Variants in MCTP1 observed in about 807,000 individuals in gnomAD.
MCTP1 encodes the protein multiple C2 and transmembrane domain-containing protein 1.
A neutral mutation model predicts 120.6 loss-of-function variants in MCTP1; 69 were observed. That is an observed-to-expected ratio of 0.57 (90% CI 0.47 to 0.70). The LOEUF (loss-of-function observed/expected upper bound fraction) is 0.70. Ranked by LOEUF, MCTP1 falls within the 30% of genes least tolerant of loss-of-function variation. MCTP1 has a pLI of 0.00. For missense variants in MCTP1, 1,203 were observed against 1,248.8 expected, an observed-to-expected ratio of 0.96 and a Z score of 0.55; for synonymous variants, 529 against 493.1, an observed-to-expected ratio of 1.07 and a Z score of -0.96.
At chr5:94,748,999 G>T (rs1408352279) in intron 19 of MCTP1, among the ~76,000 whole-genome samples, 2 of 152,160 alleles carry the variant, frequency 1.3e-5, no homozygotes, top group Non-Finnish European at 2.9e-5. Flanking sequence ...GTTTTTTGAT[G>T]CTTCTGCTGT....
intron 3 of MCTP1, among the ~76,000 whole-genome samples, chr5:94,947,931 T>G (rs1302753997): frequency 6.6e-6 from 1 of 151,918 alleles, no homozygotes; most frequent in African/African-American, 2.4e-5. Context: ...TGAAACCATA[T>G]TAGAGCTTCT....
At chr5:94,908,511 G>A (rs1807547512) in intron 10 of MCTP1, among the ~76,000 whole-genome samples, 1 of 152,040 alleles carries the variant, frequency 6.6e-6, no homozygotes, top group Middle Eastern at 3.4e-3. Flanking sequence ...AAGCTACAGT[G>A]AGGAAAGAAT....
At chr5:95,192,465 C>T (rs917211183) in intron 1 of MCTP1, among the ~76,000 whole-genome samples, 7 of 151,954 alleles carry the variant, frequency 4.6e-5, no homozygotes, top group Admixed American at 1.3e-4. Context: ...TCTGTGCCAA[C>T]TTCTAGAGTA....
chr5:94,853,808 C>A (rs376703994), intron 17 of MCTP1, among the ~76,000 whole-genome samples: 5 of 151,976 alleles, frequency 3.3e-5, no homozygotes, highest in African/African-American at 1.2e-4. Context: ...ATACTCTGTC[C>A]ACAAGGCCAG....
chr5:94,988,092 A>T (rs902610671), intron 2 of MCTP1, among the ~76,000 whole-genome samples: 4 of 152,192 alleles, frequency 2.6e-5, no homozygotes, highest in Admixed American at 6.5e-5. Context: ...TTCAGCAATG[A>T]TGTCTTCCAA....
intron 19 of MCTP1, among the ~76,000 whole-genome samples, chr5:94,758,352 G>C (rs529771886): frequency 6.6e-6 from 1 of 152,218 alleles, no homozygotes; most frequent in Admixed American, 6.5e-5. Context: ...CTAGCTACTT[G>C]GAAGGATCAC....
intron 2 of MCTP1, among the ~76,000 whole-genome samples, chr5:94,967,350 C>A (rs1825864529): frequency 6.6e-6 from 1 of 152,142 alleles, no homozygotes; most frequent in Non-Finnish European, 1.5e-5. Flanking sequence ...CTATCACACA[C>A]CACGTAACAA....
chr5:94,711,063 C>T (rs1284871467), intron 20 of MCTP1, 136 bp from the exon 21 acceptor site: 2 of 672,288 alleles, frequency 3.0e-6, no homozygotes, highest in East Asian at 5.7e-5. Context: ...AATAGGTTAT[C>T]AGAGGACGCA....
intron 1 of MCTP1, among the ~76,000 whole-genome samples, chr5:95,233,212 A>C (rs1755156947): frequency 6.6e-6 from 1 of 152,248 alleles, no homozygotes; most frequent in Non-Finnish European, 1.5e-5. Context: ...CAATATATTT[A>C]AAGGGATCCA....
chr5:94,938,771 T>C (rs532900824), intron 5 of MCTP1, among the ~76,000 whole-genome samples: 1 of 152,190 alleles, frequency 6.6e-6, no homozygotes, highest in Admixed American at 6.5e-5. Flanking sequence ...CATTTATAAT[T>C]GATTCTTATG....
At chr5:94,999,421 T>C (rs1258918675) in intron 2 of MCTP1, among the ~76,000 whole-genome samples, 2 of 152,188 alleles carry the variant, frequency 1.3e-5, no homozygotes, top group Non-Finnish European at 2.9e-5. Context: ...ATCAAATTCT[T>C]CTATAATCAA....
At chr5:94,762,685 A>G (rs1771626770) in intron 19 of MCTP1, among the ~76,000 whole-genome samples, 1 of 152,202 alleles carries the variant, frequency 6.6e-6, no homozygotes, top group African/African-American at 2.4e-5. Context: ...TTGCTAAAAC[A>G]TCTCTGGGAA....
intron 1 of MCTP1, among the ~76,000 whole-genome samples, chr5:95,175,689 T>C (rs1360499162): frequency 6.6e-6 from 1 of 152,176 alleles, no homozygotes; most frequent in Non-Finnish European, 1.5e-5. Context: ...TCAGCACAAC[T>C]GGATTTTAAG....
intron 2 of MCTP1, among the ~76,000 whole-genome samples, chr5:94,980,517 T>C (rs1444485886): frequency 6.6e-6 from 1 of 152,126 alleles, no homozygotes; most frequent in Non-Finnish European, 1.5e-5. Flanking sequence ...GTTGAAAACA[T>C]ATGTTATGTG....
chr5:94,760,213 T>C (rs924749835), intron 19 of MCTP1, among the ~76,000 whole-genome samples: 1 of 152,102 alleles, frequency 6.6e-6, no homozygotes, highest in Non-Finnish European at 1.5e-5. Context: ...TTCTCTAATA[T>C]ACCCCATTAG....
In MCTP1 at chr5:95,284,375, T is replaced by C. The variant is rs755594469; in HGVS notation, c.201A>G (p.Ala67=). The part of the protein sequence containing the change: ...SPPPPVGTGN[A]PARGSGAGSR... ...TGCCTGCACCACTCCCCCTGGCCGG[T>C]GCATTCCCTGTGCCCACCGGGGGTG... Residue 67 remains alanine (A), a synonymous_variant, in exon 1 of 23, where the codon GCA becomes GCG. Transcript: ENST00000515393. This position sits in a 1 kb window ranked among gnomAD's most constrained non-coding sequence, Gnocchi z 5.2. 1.9e-6 allele frequency: 3 copies of C among 1,594,904 alleles called. No homozygotes were observed. The highest frequency in any genetic ancestry group is 2.5e-6 in the Non-Finnish European group (3 of 1,178,744).
chr5:94,774,895 T>A (rs894881769), intron 19 of MCTP1, among the ~76,000 whole-genome samples: 2 of 152,208 alleles, frequency 1.3e-5, no homozygotes, highest in Non-Finnish European at 2.9e-5. Flanking sequence ...AATGCCATTT[T>A]GTCAGATTAA....
intron 1 of MCTP1, among the ~76,000 whole-genome samples, chr5:95,228,584 C>A (rs573445679): frequency 3.9e-5 from 6 of 152,070 alleles, no homozygotes; most frequent in African/African-American, 1.4e-4. Context: ...GAGGAGAACC[C>A]AAATTAGTAG....
chr5:95,086,439 G>T, intron 1 of MCTP1, among the ~76,000 whole-genome samples: 1 of 152,178 alleles, frequency 6.6e-6, no homozygotes, highest in East Asian at 1.9e-4. Context: ...AGTGTAATAA[G>T]ATGGAGTAAA....
Sources: gnomAD v4.1 joint callset for allele counts (sites outside exome capture counted in the v4.1 genomes callset) on GRCh38, gnomAD v4.1.1 for gene constraint, Gnocchi (gnomAD v3.1) non-coding constraint, MANE v1.5 for transcripts, NCBI Gene and HGNC (gene_info 2026-07-23, HGNC 2026-07-21) for gene names.